PCDHA12: variants seen among roughly 807,000 people sequenced by gnomAD.
PCDHA12 encodes the protein protocadherin alpha-12.
In PCDHA12, 44 loss-of-function variants were observed where a neutral mutation model predicts 60.0. The ratio of observed to expected loss-of-function variants is 0.73; its 90% CI spans 0.58 to 0.94. The LOEUF (loss-of-function observed/expected upper bound fraction) is 0.94, where lower values mean the gene tolerates loss of function less well. Among genes scored for constraint, PCDHA12 ranks in the 40% least tolerant of loss-of-function variants. PCDHA12 has a pLI of 0.00. For missense variants in PCDHA12, 1,276 were observed against 1,239.7 expected, an observed-to-expected ratio of 1.03 and a Z score of -0.44; for synonymous variants, 569 against 553.0, an observed-to-expected ratio of 1.03 and a Z score of -0.40.
intron 3 of PCDHA12, among the ~76,000 whole-genome samples, chr5:140,998,018 G>A (rs575495303): frequency 2.0e-5 from 3 of 152,170 alleles, no homozygotes; most frequent in Admixed American, 6.5e-5. Flanking sequence ...TCCCCACCTC[G>A]AGCTAGTGCT....
intron 1 of PCDHA12, among the ~76,000 whole-genome samples, chr5:140,913,040 G>T (rs1554195697): frequency 1.3e-5 from 2 of 152,022 alleles, no homozygotes; most frequent in African/African-American, 4.8e-5. Flanking sequence ...AGATATATTG[G>T]CCTGGAGTTT....
At chr5:140,882,076 G>T in intron 1 of PCDHA12, 1 of 920,546 alleles carries the variant, frequency 1.1e-6, no homozygotes. Flanking sequence ...TGCGCATGGT[G>T]TCGCTCTTCA....
At chr5:140,999,138 C>G (rs530740266) in intron 3 of PCDHA12, among the ~76,000 whole-genome samples, 1 of 152,258 alleles carries the variant, frequency 6.6e-6, no homozygotes, top group East Asian at 1.9e-4. Context: ...AATGTCACAG[C>G]CGGAAGTCTT....
At chr5:140,967,073 G>A (rs1554229137) in intron 1 of PCDHA12, 1 of 1,613,160 alleles carries the variant, frequency 6.2e-7, no homozygotes, top group South Asian at 1.1e-5. Flanking sequence ...CTTCGTCAAC[G>A]AGCGCATTGA....
intron 1 of PCDHA12, chr5:140,967,709 G>T: frequency 6.2e-7 from 1 of 1,614,140 alleles, no homozygotes; most frequent in Non-Finnish European, 8.5e-7. Context: ...TGCCAGTACC[G>T]GGGAAGTGCG....
In PCDHA12 at chr5:140,980,207, CT is replaced by C. The variant is rs2096880359; in HGVS notation, c.2426+1204del. Among the ~76,000 whole-genome samples, 4 of 152,182 alleles carry C rather than the reference CT, an allele frequency of 2.6e-5. No individual in the cohort carries two copies. In the South Asian group the frequency reaches 8.3e-4, roughly 31 times the overall value. On this transcript the variant is annotated intron_variant, in intron 2 of 3. Coordinates refer to ENST00000398631, the MANE Select transcript of PCDHA12 (RefSeq NM_018903.4). ...TATATTTATTAGAGACCAACTTGTGCTTTTGCCTGCATCTGAGCTGTTGGTG... is the reference window on the plus strand; with the variant it reads ...TATATTTATTAGAGACCAACTTGTGCTTTGCCTGCATCTGAGCTGTTGGTG...
intron 1 of PCDHA12, among the ~76,000 whole-genome samples, chr5:140,942,620 A>T (rs1304224304): frequency 1.4e-4 from 4 of 28,710 alleles, no homozygotes; most frequent in Admixed American, 3.3e-4. Context: ...TGCCAATTGT[A>T]AAAAAAAAAA....
chr5:140,957,346 G>C (rs1027225386), intron 1 of PCDHA12, among the ~76,000 whole-genome samples: 7 of 152,080 alleles, frequency 4.6e-5, no homozygotes, highest in Non-Finnish European at 8.8e-5. Flanking sequence ...TTTTGAGAGA[G>C]AGACCACATT....
intron 1 of PCDHA12, among the ~76,000 whole-genome samples, chr5:140,978,185 G>C (rs1177844558): frequency 1.3e-5 from 2 of 152,168 alleles, no homozygotes; most frequent in East Asian, 3.8e-4. Context: ...GAGGGCAACA[G>C]ATCTTTTCAA....
intron 3 of PCDHA12, among the ~76,000 whole-genome samples, chr5:140,999,809 CAA>C (rs1350603380): frequency 1.3e-5 from 2 of 152,160 alleles, no homozygotes; most frequent in African/African-American, 2.4e-5. Flanking sequence ...GGGCACAAAG[CAA>C]GAGCTGTGGC....
intron 3 of PCDHA12, among the ~76,000 whole-genome samples, chr5:140,995,409 A>G (rs1056120944): frequency 2.6e-4 from 39 of 152,210 alleles, no homozygotes; most frequent in Admixed American, 6.5e-5. Flanking sequence ...TCGAGATTTC[A>G]TCACATTACT....
intron 1 of PCDHA12, chr5:140,882,561 G>T (rs2059195927): frequency 1.2e-6 from 2 of 1,614,222 alleles, no homozygotes; most frequent in East Asian, 4.5e-5. Context: ...CTGTGTGGGC[G>T]GAGCGCGGAG....
At chr5:140,968,756 G>T in intron 1 of PCDHA12, 1 of 1,614,202 alleles carries the variant, frequency 6.2e-7, no homozygotes, top group Non-Finnish European at 8.5e-7. Flanking sequence ...GGTGGTCCGA[G>T]ATAATGGAGA....
At chr5:140,949,203 T>C (rs879971307) in intron 1 of PCDHA12, among the ~76,000 whole-genome samples, 13 of 151,790 alleles carry the variant, frequency 8.6e-5, no homozygotes, top group East Asian at 1.9e-4. Flanking sequence ...TTCAGTCTTT[T>C]AAAAATCTGT....
chr5:140,878,622 T>A (rs1163171601), intron 1 of PCDHA12, among the ~76,000 whole-genome samples: 1 of 152,244 alleles, frequency 6.6e-6, no homozygotes, highest in African/African-American at 2.4e-5. Flanking sequence ...GCATTTTACA[T>A]ATTTTAACTT....
At chr5:141,006,238 G>T (rs1298883912) in intron 3 of PCDHA12, among the ~76,000 whole-genome samples, 1 of 151,428 alleles carries the variant, frequency 6.6e-6, no homozygotes, top group East Asian at 1.9e-4. Flanking sequence ...TTTAGATGGA[G>T]TCTTGCTCTG....
At chr5:140,986,530 G>C (rs1341824536) in intron 3 of PCDHA12, among the ~76,000 whole-genome samples, 1 of 152,162 alleles carries the variant, frequency 6.6e-6, no homozygotes, top group African/African-American at 2.4e-5. Context: ...GAGGGAACTG[G>C]CCTGGCTTCA....
At chr5:140,956,958 A>C (rs970237928) in intron 1 of PCDHA12, among the ~76,000 whole-genome samples, 4 of 134,798 alleles carry the variant, frequency 3.0e-5, no homozygotes, top group Non-Finnish European at 6.6e-5. Context: ...AAACACTGTA[A>C]TTAATCAGTC....
chr5:140,939,037 T>C (rs1295630675), intron 1 of PCDHA12, among the ~76,000 whole-genome samples: 2 of 152,212 alleles, frequency 1.3e-5, no homozygotes, highest in African/African-American at 4.8e-5. Context: ...TCGGAAGAGT[T>C]GTCTTAGTCC....
Sources: gnomAD v4.1 joint callset for allele counts (sites outside exome capture counted in the v4.1 genomes callset) on GRCh38, gnomAD v4.1.1 for gene constraint, MANE v1.5 for transcripts, NCBI Gene and HGNC (gene_info 2026-07-23, HGNC 2026-07-21) for gene names.